The following MIOX variants were observed in gnomAD, a reference collection of about 807,000 sequenced individuals.
MIOX encodes inositol oxygenase.
In MIOX, 51 loss-of-function variants were observed where a neutral mutation model predicts 42.7. That is an observed-to-expected ratio of 1.19 (90% CI 0.95 to 1.51). The LOEUF (loss-of-function observed/expected upper bound fraction) is 1.51, where lower values mean the gene tolerates loss of function less well. Ranked by LOEUF, MIOX falls within the 40% of genes most tolerant of loss-of-function variation. The pLI is 0.00. For missense variants in MIOX, 395 were observed against 381.3 expected, an observed-to-expected ratio of 1.04 and a Z score of -0.30; for synonymous variants, 168 against 154.4, an observed-to-expected ratio of 1.09 and a Z score of -0.65.
chr22:50,488,132 A>G (rs1440502531), intron 4 of MIOX, 84 bp downstream of exon 4: 3 of 1,591,292 alleles, frequency 1.9e-6, no homozygotes, highest in South Asian at 2.2e-5. Context: ...AGGGGACAGT[A>G]GTGGGCCCAG....
Position 50,489,400 on chromosome 22 carries a change from A to T in MIOX, c.590A>T (p.Tyr197Phe). ...RVLMSWGHDE[Y>F]MYQVMKFNKF... ...TGGTGACACCCTCTCCCCACAGAGT[A>T]CATGTACCAGGTGATGAAGTTTAAC... The change falls in exon 8 of 10, where the codon TAC becomes TTC. Residue 197 changes from tyrosine to phenylalanine, a missense_variant. Transcript: ENST00000216075. 6.3e-7 allele frequency: 1 copy of T among 1,593,432 alleles called. No individual in the cohort carries two copies. Among genetic ancestry groups the T allele is most frequent in the Non-Finnish European group, 8.5e-7 (1 of 1,174,386 alleles).
At chr22:50,487,016 TC>T in intron 1 of MIOX, 104 bp downstream of exon 1, 1 of 1,471,760 alleles carries the variant, frequency 6.8e-7, no homozygotes, top group Non-Finnish European at 9.4e-7. Flanking sequence ...TCCTCCTCCG[TC>T]CAGCTGGGCA....
At chr22:50,489,721 G>A (rs375988557) in intron 9 of MIOX, 27 bp from the exon 10 acceptor site, 46 of 1,609,920 alleles carry the variant, frequency 2.9e-5, no homozygotes, top group African/African-American at 1.6e-4. Context: ...GGTTCTTCAC[G>A]GGGCTCACCG....
Position 50,490,044 on chromosome 22 carries a change from C to T in MIOX, c.*188C>T, listed in dbSNP as rs2068342333. On this transcript the variant is annotated 3_prime_UTR_variant, in exon 10 of 10. Coordinates refer to ENST00000216075, the MANE Select transcript of MIOX (RefSeq NM_017584.6). Reference sequence around the variant, plus strand: ...AATAAAGACCTGGAAGGATGTTGTGCTTCTGAAGCCCCACTGGGTGTTACT... The same window carrying T: ...AATAAAGACCTGGAAGGATGTTGTGTTTCTGAAGCCCCACTGGGTGTTACT... 1 of 607,450 alleles carries T rather than the reference C, an allele frequency of 1.6e-6. No individual in the cohort carries two copies. The highest frequency in any genetic ancestry group is 1.8e-5 in the African/African-American group (1 of 54,206). 37.6% of individuals were successfully genotyped at this position (607,450 alleles called of 1,614,324 possible).
At chr22:50,487,820 G>A in intron 3 of MIOX, 66 bp from the exon 4 acceptor site, 2 of 1,611,236 alleles carry the variant, frequency 1.2e-6, no homozygotes, top group Non-Finnish European at 1.7e-6. Context: ...GGCGCCGAGG[G>A]GATGGAGAGG....
Position 50,489,090 on chromosome 22 carries a change from C to T in MIOX, c.459C>T (p.Ser153=), listed in dbSNP as rs371735856. Residue 153 remains serine, a synonymous_variant, in exon 6 of 10, where the codon TCC becomes TCT. Transcript: ENST00000216075. ...TFPVGCRPQA[S]VVFCDSTFQD... ...CCGTCGGATGCCGTCCGCAGGCCTC[C>T]GTGGTTTTCTGCGACTCCACCTTCC... The T allele has an allele frequency of 2.0e-4, 330 of 1,612,762 alleles. No homozygotes were observed. Among genetic ancestry groups the T allele is most frequent in the South Asian group, 1.0e-3 (91 of 91,076 alleles).
chr22:50,489,235 C>G lies in MIOX; in HGVS notation c.526C>G (p.Leu176Val), dbSNP rs1331549113. The G allele has an allele frequency of 6.2e-7, 1 of 1,608,538 alleles. No individual in the cohort carries two copies. The highest frequency in any genetic ancestry group is 8.5e-7 in the Non-Finnish European group (1 of 1,179,500). The change falls in exon 7 of 10, where the codon CTC becomes GTC. Residue 176 changes from leucine (L) to valine (V), a missense_variant. By Grantham distance (32) the Leu-to-Val change is conservative. Transcript: ENST00000216075. ...DLQDPRYSTELGMYQPHCGLD... is the reference protein window; with the variant it reads ...DLQDPRYSTEVGMYQPHCGLD... ...CCTGGTATCTCACTGCAGCACAGAG[C>G]TCGGGATGTATCAGCCCCACTGTGG...
chr22:50,488,657 G>GC (rs869168436), intron 5 of MIOX, among the ~76,000 whole-genome samples: 1 of 139,834 alleles, frequency 7.2e-6, no homozygotes, highest in African/African-American at 2.7e-5. Context: ...TCCCCCCACG[G>GC]CCCCCCATGG....
chr22:50,489,003 C>A, intron 5 of MIOX, 37 bp from the exon 6 acceptor site: 2 of 1,093,268 alleles, frequency 1.8e-6, no homozygotes, highest in Non-Finnish European at 1.3e-6. Flanking sequence ...TTCCCCCACT[C>A]CCCCCATGGC....
At chr22:50,488,862 C>T (rs1463484775) in intron 5 of MIOX, among the ~76,000 whole-genome samples, 178 bp from the exon 6 acceptor site, 1 of 104,498 alleles carries the variant, frequency 9.6e-6, no homozygotes, top group Non-Finnish European at 2.2e-5. Flanking sequence ...ACATCTTCCC[C>T]CACTCCCCCC....
At chr22:50,488,991 C>G (rs757732653) in intron 5 of MIOX, 49 bp from the exon 6 acceptor site, 4 of 1,295,356 alleles carry the variant, frequency 3.1e-6, no homozygotes, top group Non-Finnish European at 4.3e-6. Context: ...ATCGGCGACA[C>G]CTTCCCCCAC....
In MIOX at chr22:50,487,738, G is replaced by C. The variant is rs1569516383; in HGVS notation, c.173G>C (p.Ser58Thr). 1 of 1,613,852 alleles carries C rather than the reference G, an allele frequency of 6.2e-7. No individual in the cohort carries two copies. The highest frequency in any genetic ancestry group is 8.5e-7 in the Non-Finnish European group (1 of 1,179,968). The change falls in exon 3 of 10, where the codon AGC (serine) becomes ACC (threonine). Residue 58 changes from serine to threonine, a missense_variant. Coordinates refer to ENST00000216075, the MANE Select transcript of MIOX (RefSeq NM_017584.6). ...CACCAGACAGTGGACTTCGTCAGGA[G>C]CAAGGTAGGCGTTTCCTGCCGCCCC... is the stretch of plus-strand genomic sequence containing the variant. Reference protein sequence around the residue: ...HTHQTVDFVRSKHAQFGGFSY... With the variant: ...HTHQTVDFVRTKHAQFGGFSY...
rs1055327251 is a variant in MIOX, at chr22:50,489,425, C to G, written c.615C>G (p.Asn205Lys). 4.4e-6 allele frequency: 7 copies of G among 1,603,238 alleles called. No homozygotes were observed. The highest frequency in any genetic ancestry group is 6.0e-6 in the Non-Finnish European group (7 of 1,176,342). ...DEYMYQVMKF[N>K]KFSLPPEAFY... ...ACATGTACCAGGTGATGAAGTTTAA[C>G]AAGTTCTCACTGCCCCCTGAGGTAG... is the stretch of plus-strand genomic sequence containing the variant. Residue 205 changes from asparagine to lysine, a missense_variant, in exon 8 of 10, where the codon AAC becomes AAG. By Grantham distance (94) the Asn-to-Lys change is moderately conservative. Transcript: ENST00000216075.
intron 1 of MIOX, 39 bp from the exon 2 acceptor site, chr22:50,487,346 A>G: frequency 6.5e-7 from 1 of 1,538,892 alleles, no homozygotes; most frequent in Non-Finnish European, 8.9e-7. Context: ...CGTGGAGCTG[A>G]CATGATGGTG....
In MIOX at chr22:50,488,318, C is replaced by A. The variant is rs754630851; in HGVS notation, c.384C>A (p.Val128=). The stretch of plus-strand genomic sequence containing the variant: ...GGCTCCTGCACGACCTGGGGAAGGT[C>A]CTGGCCCTGTTCGGGGAGCCCCAGG... ...LVGLLHDLGK[V]LALFGEPQWA... The change falls in exon 5 of 10, where the codon GTC becomes GTA. Residue 128 remains valine, a synonymous_variant. Transcript: ENST00000216075. 107 of 1,609,526 alleles carry A rather than the reference C, an allele frequency of 6.6e-5. No homozygotes were observed. In the Middle Eastern group the frequency reaches 8.3e-4, roughly 12 times the overall value.
rs1289592621 is a variant in MIOX at position 50,489,737 on chromosome 22, C to T, written c.750-11C>T. The T allele has an allele frequency of 6.2e-7, 1 of 1,611,466 alleles. No homozygotes were observed. The highest frequency in any genetic ancestry group is 2.2e-5 in the East Asian group (1 of 44,874). The stretch of plus-strand genomic sequence containing the variant: ...GTTCTTCACGGGGCTCACCGCCCCT[C>T]CCTGCTGCAGCAAGTTCGACCTCTA... On this transcript the variant is annotated splice_polypyrimidine_tract_variant and intron_variant, in intron 9 of 9. Transcript: ENST00000216075.
chr22:50,490,264 G>A lies in MIOX; in HGVS notation c.*408G>A. 4.5e-6 allele frequency: 1 copy of A among 224,508 alleles called. No individual in the cohort carries two copies. The highest frequency in any genetic ancestry group is 9.0e-6 in the Non-Finnish European group (1 of 111,480). The allele number at this position is 224,508 out of a possible 1,614,324, so 13.9% of individuals were successfully genotyped here. A position where few individuals can be genotyped will look rare whatever the true frequency, so the allele number is the denominator to read the frequency against. ...TCAAAACAGTCACCAAGTCCTCTGG[G>A]CTCCGTCCCCTTAAAAAATACCCCA... On this transcript the variant is annotated 3_prime_UTR_variant, in exon 10 of 10. Transcript: ENST00000216075.
intron 8 of MIOX, 39 bp downstream of exon 8, chr22:50,489,485 C>T (rs753507536): frequency 1.2e-6 from 2 of 1,610,460 alleles, no homozygotes; most frequent in South Asian, 1.1e-5. Context: ...GTCCACCAGG[C>T]CCGGTCCTGC....
In MIOX at chr22:50,490,219, C is replaced by CA; in HGVS notation, c.*363_*364insA. 1 of 301,084 alleles carries CA rather than the reference C, an allele frequency of 3.3e-6. No individual in the cohort carries two copies. The allele number at this position is 301,084 out of a possible 1,614,324, so 18.7% of individuals were successfully genotyped here. A position where few individuals can be genotyped will look rare whatever the true frequency, so the allele number is the denominator to read the frequency against. ...GTGTCAGAGCCTGGGGGACGAGTCACCCAGCTCACCCCCACATGCTCAAAA... is the reference window on the plus strand; with the variant it reads ...GTGTCAGAGCCTGGGGGACGAGTCACACCAGCTCACCCCCACATGCTCAAAA... On this transcript the variant is annotated 3_prime_UTR_variant, in exon 10 of 10. Coordinates refer to ENST00000216075, the MANE Select transcript of MIOX (RefSeq NM_017584.6).
Sources: gnomAD v4.1 joint callset for allele counts (sites outside exome capture counted in the v4.1 genomes callset) on GRCh38, gnomAD v4.1.1 for gene constraint, MANE v1.5 for transcripts, NCBI Gene and HGNC (gene_info 2026-07-23, HGNC 2026-07-21) for gene names.